Variants in RB1CC1 observed in about 807,000 individuals in gnomAD.
The protein encoded by RB1CC1 is RB1-inducible coiled-coil protein 1.
A neutral mutation model predicts 177.5 loss-of-function variants in RB1CC1; 46 were observed. The ratio of observed to expected loss-of-function variants is 0.26; its 90% CI spans 0.20 to 0.33. RB1CC1 has a LOEUF of 0.33. Among genes scored for constraint, RB1CC1 ranks in the 10% least tolerant of loss-of-function variants. The pLI is 1.00. For synonymous variants in RB1CC1, 666 were observed against 613.6 expected, an observed-to-expected ratio of 1.09 and a Z score of -1.26; for missense variants, 1,703 against 1,816.3, an observed-to-expected ratio of 0.94 and a Z score of 1.13.
chr8:52,641,029 G>C (rs925307873), intron 18 of RB1CC1, among the ~76,000 whole-genome samples: 1 of 152,058 alleles, frequency 6.6e-6, no homozygotes, highest in South Asian at 2.1e-4. Context: ...GGTGGGGTAC[G>C]AAGGACCCTG....
At chr8:52,686,499 T>C (rs1266679599) in intron 2 of RB1CC1, among the ~76,000 whole-genome samples, 2 of 152,264 alleles carry the variant, frequency 1.3e-5, no homozygotes, top group African/African-American at 2.4e-5. Flanking sequence ...TGAGCTACGA[T>C]TGTGCCACTG....
At chr8:52,709,719 C>T (rs1056115027) in intron 1 of RB1CC1, among the ~76,000 whole-genome samples, 4 of 152,168 alleles carry the variant, frequency 2.6e-5, no homozygotes, top group Non-Finnish European at 4.4e-5. Context: ...CCTGCCTGGG[C>T]GACAAAGTAA....
chr8:52,640,016 A>G (rs886409523), intron 18 of RB1CC1, among the ~76,000 whole-genome samples: 3 of 152,180 alleles, frequency 2.0e-5, no homozygotes, highest in Non-Finnish European at 2.9e-5. Flanking sequence ...TCTACTAAAC[A>G]ACTTTTATTT....
chr8:52,709,780 TTA>T (rs1428045885), intron 1 of RB1CC1, among the ~76,000 whole-genome samples: 4 of 152,222 alleles, frequency 2.6e-5, no homozygotes, highest in African/African-American at 4.8e-5. Flanking sequence ...ATTCGCTTCC[TTA>T]TATGATAAGG....
At chr8:52,687,012 C>T (rs530183152) in intron 1 of RB1CC1, 45 bp from the exon 2 acceptor site, 70 of 452,902 alleles carry the variant, frequency 1.5e-4, no homozygotes, top group South Asian at 7.5e-4. Context: ...CAATTCAGTA[C>T]GAAACAACAT....
At chr8:52,679,782 T>C (rs1853526713) in intron 5 of RB1CC1, among the ~76,000 whole-genome samples, 2 of 152,162 alleles carry the variant, frequency 1.3e-5, no homozygotes, top group African/African-American at 4.8e-5. Flanking sequence ...GTGGGAAGCT[T>C]GGGTGGACAG....
chr8:52,669,607 T>C (rs1160945754), intron 7 of RB1CC1, among the ~76,000 whole-genome samples: 1 of 152,180 alleles, frequency 6.6e-6, no homozygotes, highest in Non-Finnish European at 1.5e-5. Context: ...GCACCACTAG[T>C]TTTGCACAAT....
chr8:52,692,527 G>A (rs953090345), intron 1 of RB1CC1, among the ~76,000 whole-genome samples: 75 of 152,112 alleles, frequency 4.9e-4, no homozygotes, highest in Admixed American at 4.1e-3. Flanking sequence ...AGAATTATCC[G>A]CATCATTCAT....
chr8:52,656,416 G>C lies in RB1CC1; in HGVS notation c.3413C>G (p.Ser1138Cys). The change falls in exon 15 of 24, where the codon TCC becomes TGC. Residue 1138 changes from serine (S) to cysteine (C), a missense_variant. By Grantham distance (112) the Ser-to-Cys change is moderately radical (BLOSUM62 -1). Around this residue, in one of 6 missense-constraint regions of RB1CC1, gnomAD observed 1,169 missense variants for 1,184.7 expected, o/e 0.99. Coordinates refer to ENST00000025008, the MANE Select transcript of RB1CC1 (RefSeq NM_014781.5). Reference protein sequence around the residue: ...LMTIEKDQCISELISRHEEES... With the variant: ...LMTIEKDQCICELISRHEEES... ...TTCTTCATGTCTACTAATTAACTCGGAAATACACTGATCTTTTTCAATTGT... is the reference window on the plus strand; with the variant it reads ...TTCTTCATGTCTACTAATTAACTCGCAAATACACTGATCTTTTTCAATTGT... The C allele has an allele frequency of 6.2e-7, 1 of 1,611,176 alleles. No homozygotes were observed. The highest frequency in any genetic ancestry group is 8.5e-7 in the Non-Finnish European group (1 of 1,179,530).
intron 7 of RB1CC1, among the ~76,000 whole-genome samples, chr8:52,671,897 G>T (rs1306825232): frequency 6.6e-6 from 1 of 151,996 alleles, no homozygotes; most frequent in East Asian, 1.9e-4. Flanking sequence ...TACAACTAAT[G>T]AGTACTATAT....
intron 6 of RB1CC1, 74 bp downstream of exon 6, chr8:52,676,295 T>C: frequency 7.4e-7 from 1 of 1,354,398 alleles, no homozygotes; most frequent in Non-Finnish European, 1.0e-6. Context: ...GAAACAAATT[T>C]GCAGTAATTA....
At chr8:52,713,578 G>A (rs571376617) in intron 1 of RB1CC1, among the ~76,000 whole-genome samples, 14 of 152,302 alleles carry the variant, frequency 9.2e-5, no homozygotes, top group African/African-American at 3.4e-4. Context: ...CCCATTCGGT[G>A]AGCTTCGTTC....
chr8:52,698,409 G>T (rs1000919461), intron 1 of RB1CC1, among the ~76,000 whole-genome samples: 9 of 150,880 alleles, frequency 6.0e-5, no homozygotes, highest in African/African-American at 2.0e-4. Context: ...CGGAAGCTCC[G>T]CCTCCCAGGT....
In RB1CC1 at chr8:52,673,871, T is replaced by C. The variant is rs1337669606; in HGVS notation, c.976A>G (p.Arg326Gly). The change falls in exon 7 of 24, where the codon AGG (arginine) becomes GGG (glycine). Residue 326 changes from arginine (R) to glycine (G), a missense_variant. Arg to Gly is a moderately radical substitution (Grantham distance 125). Coordinates refer to ENST00000025008, the MANE Select transcript of RB1CC1 (RefSeq NM_014781.5). ...DRPNDVESLV[R>G]KCFDSMSRLD... is the part of the protein sequence containing the mutation. Reference sequence around the variant, plus strand: ...CTGCTCATAGAATCAAAGCACTTCCTGACCAAAGATTCCACATCATTAGGT... The same window carrying C: ...CTGCTCATAGAATCAAAGCACTTCCCGACCAAAGATTCCACATCATTAGGT... The C allele has an allele frequency of 1.9e-6, 3 of 1,611,680 alleles. No individual in the cohort carries two copies. The highest frequency in any genetic ancestry group is 2.5e-6 in the Non-Finnish European group (3 of 1,178,136).
Position 52,657,654 on chromosome 8 carries a change from T to C in RB1CC1, c.2175A>G (p.Ala725=), listed in dbSNP as rs376581866. The part of the protein sequence containing the change: ...HQVSLDLDSL[A]ESPESDFMSA... ...ACATAAAATCTGATTCAGGACTTTC[T>C]GCTAATGAATCCAAGTCTAAAGAAA... Residue 725 remains alanine, a synonymous_variant, in exon 15 of 24, where the codon GCA becomes GCG. Transcript: ENST00000025008. 1.2e-6 allele frequency: 2 copies of C among 1,614,176 alleles called. No homozygotes were observed. Among genetic ancestry groups the C allele is most frequent in the Non-Finnish European group, 1.7e-6 (2 of 1,180,014 alleles).
chr8:52,664,500 G>GTGTTCTT (rs1030918225), intron 8 of RB1CC1, among the ~76,000 whole-genome samples: 26 of 152,162 alleles, frequency 1.7e-4, no homozygotes, highest in East Asian at 7.7e-4. Context: ...TATTCTTTTG[G>GTGTTCTT]TATATTCCAT....
At chr8:52,703,831 A>T (rs745788997) in intron 1 of RB1CC1, among the ~76,000 whole-genome samples, 47 of 152,228 alleles carry the variant, frequency 3.1e-4, no homozygotes, top group Non-Finnish European at 5.1e-4. Flanking sequence ...AGAGACAGTA[A>T]ACAGTCAATA....
At chr8:52,655,071 T>C (rs998408299) in intron 15 of RB1CC1, among the ~76,000 whole-genome samples, 6 of 152,220 alleles carry the variant, frequency 3.9e-5, no homozygotes, top group African/African-American at 1.4e-4. Context: ...GCAGTGACTC[T>C]GTTAACCTTC....
chr8:52,675,661 G>A (rs891471384), intron 6 of RB1CC1, among the ~76,000 whole-genome samples: 3 of 146,460 alleles, frequency 2.0e-5, no homozygotes, highest in East Asian at 2.0e-4. Flanking sequence ...ATGAGGTCAG[G>A]AGATCGAGAC....
Sources: gnomAD v4.1 joint callset for allele counts (sites outside exome capture counted in the v4.1 genomes callset) on GRCh38, gnomAD v4.1.1 for gene constraint, gnomAD v4.1.1 regional missense constraint, MANE v1.5 for transcripts, NCBI Gene and HGNC (gene_info 2026-07-23, HGNC 2026-07-21) for gene names.